TXNDC16: variants seen among roughly 807,000 people sequenced by gnomAD.
TXNDC16 encodes thioredoxin domain-containing protein 16.
Under a neutral mutation model 85.6 loss-of-function variants are expected in TXNDC16, and 74 were observed. The ratio of observed to expected loss-of-function variants is 0.86; its 90% confidence interval spans 0.72 to 1.05. The LOEUF is 1.05. Among genes scored for constraint, TXNDC16 ranks in the 50% least tolerant of loss-of-function variants. The pLI is 0.00. For synonymous variants in TXNDC16, 335 were observed against 326.5 expected (o/e 1.03, Z -0.28); for missense variants, 959 against 947.0 (o/e 1.01, Z -0.17).
At chr14:52,455,271 T>C in intron 18 of TXNDC16, 53 bp downstream of exon 18, 1 of 1,602,214 alleles carries the variant, frequency 6.2e-7, no homozygotes, top group Non-Finnish European at 8.5e-7. Flanking sequence ...ATACTACCTT[T>C]GACTGATCTA....
chr14:52,435,945 C>G (rs1158606966), intron 20 of TXNDC16, among the ~76,000 whole-genome samples: 2 of 151,948 alleles, frequency 1.3e-5, no homozygotes, highest in Non-Finnish European at 2.9e-5. Flanking sequence ...CACCCCTGCA[C>G]TCCAGCCTTG....
intron 12 of TXNDC16, among the ~76,000 whole-genome samples, chr14:52,484,450 T>G (rs1214725403): frequency 6.6e-6 from 1 of 152,228 alleles, no homozygotes; most frequent in Non-Finnish European, 1.5e-5. Context: ...CATATACAAC[T>G]GTAGTCCCTT....
intron 1 of TXNDC16, among the ~76,000 whole-genome samples, chr14:52,547,473 A>G (rs141389572): frequency 5.6e-4 from 85 of 152,240 alleles, no homozygotes; most frequent in African/African-American, 2.0e-3. Flanking sequence ...GGGCTTGTAA[A>G]TTGATGTTCT....
At chr14:52,528,016 CAAT>C (rs1350204246) in intron 6 of TXNDC16, among the ~76,000 whole-genome samples, 1 of 151,972 alleles carries the variant, frequency 6.6e-6, no homozygotes, top group Non-Finnish European at 1.5e-5. Context: ...ACATAATTGA[CAAT>C]AATGGTCAAA....
At chr14:52,458,498 A>G (rs2035584711) in intron 16 of TXNDC16, among the ~76,000 whole-genome samples, 1 of 152,192 alleles carries the variant, frequency 6.6e-6, no homozygotes. Flanking sequence ...AGGAGATTGC[A>G]CTGAGCTGAG....
chr14:52,498,950 C>G (rs1224155656), intron 9 of TXNDC16, among the ~76,000 whole-genome samples: 3 of 152,092 alleles, frequency 2.0e-5, no homozygotes, highest in African/African-American at 2.4e-5. Flanking sequence ...ATCAAAATAG[C>G]CTAGTACTGG....
At chr14:52,453,024 T>C (rs2035448085) in intron 18 of TXNDC16, among the ~76,000 whole-genome samples, 1 of 152,040 alleles carries the variant, frequency 6.6e-6, no homozygotes, top group Admixed American at 6.5e-5. Context: ...GGGCAAAAGA[T>C]CTGAATAGAC....
At chr14:52,531,192 C>A (rs1474083664) in intron 6 of TXNDC16, among the ~76,000 whole-genome samples, 1 of 152,106 alleles carries the variant, frequency 6.6e-6, no homozygotes, top group African/African-American at 2.4e-5. Context: ...GGATGTGGAA[C>A]AACAGGAACT....
At chr14:52,462,144 T>C (rs1272044555) in intron 16 of TXNDC16, among the ~76,000 whole-genome samples, 1 of 152,258 alleles carries the variant, frequency 6.6e-6, no homozygotes, top group African/African-American at 2.4e-5. Context: ...TTATGGCTTT[T>C]ATACAAAATT....
intron 1 of TXNDC16, among the ~76,000 whole-genome samples, chr14:52,547,766 C>G (rs1040567509): frequency 3.4e-4 from 52 of 152,282 alleles, no homozygotes; most frequent in Middle Eastern, 6.8e-3. Flanking sequence ...ATGACCACTG[C>G]TGGGCATTAC....
intron 6 of TXNDC16, among the ~76,000 whole-genome samples, chr14:52,533,534 C>T (rs1020793181): frequency 2.0e-5 from 3 of 152,158 alleles, no homozygotes; most frequent in Non-Finnish European, 2.9e-5. Context: ...CTGCCTACAG[C>T]GCTTTGCTGG....
chr14:52,502,845 C>T (rs972708963), intron 9 of TXNDC16, among the ~76,000 whole-genome samples: 2 of 152,164 alleles, frequency 1.3e-5, no homozygotes, highest in African/African-American at 4.8e-5. Context: ...GGGTGACAGA[C>T]GGAACCTGGA....
At chr14:52,534,495 CA>C (rs1336523027) in intron 6 of TXNDC16, among the ~76,000 whole-genome samples, 1 of 151,580 alleles carries the variant, frequency 6.6e-6, no homozygotes. Flanking sequence ...CCAGGTAAGC[CA>C]AAAAAAAGAT....
In TXNDC16 at chr14:52,532,784, G is replaced by GA. The variant is rs879552614; in HGVS notation, c.392+3934dup. 8.3e-4 allele frequency among the ~76,000 whole-genome samples: 122 copies of GA among 146,892 alleles called. No individual in the cohort carries two copies. In the East Asian group the frequency reaches 0.013, roughly 15 times the overall value. On this transcript the variant is annotated intron_variant, in intron 6 of 20. Coordinates refer to ENST00000281741, the MANE Select transcript of TXNDC16 (RefSeq NM_020784.3). ...AGTATGCAACTGTAAGAGTACAACA[G>GA]AAAAAAAAAACTGCTAGCCAGGAAC...
intron 16 of TXNDC16, among the ~76,000 whole-genome samples, chr14:52,458,615 C>T (rs1018969658): frequency 6.6e-6 from 1 of 152,138 alleles, no homozygotes; most frequent in African/African-American, 2.4e-5. Context: ...GCCCATGCTA[C>T]ATCAAAGTAG....
At chr14:52,550,385 C>T (rs1253176750) in intron 1 of TXNDC16, among the ~76,000 whole-genome samples, 1 of 152,190 alleles carries the variant, frequency 6.6e-6, no homozygotes, top group African/African-American at 2.4e-5. Context: ...CAGATCTCAA[C>T]ACAGTTTATC....
intron 6 of TXNDC16, among the ~76,000 whole-genome samples, chr14:52,528,093 T>C (rs1361463710): frequency 1.3e-5 from 2 of 152,192 alleles, no homozygotes; most frequent in Non-Finnish European, 2.9e-5. Flanking sequence ...TGTTATTCTA[T>C]CTCAGATTTT....
At chr14:52,456,718 C>G (rs1406383412) in intron 17 of TXNDC16, among the ~76,000 whole-genome samples, 2 of 152,134 alleles carry the variant, frequency 1.3e-5, no homozygotes, top group Non-Finnish European at 2.9e-5. Context: ...TTTTTATACA[C>G]ACACGTACCC....
chr14:52,537,083 C>CACACAT (rs2037720436), intron 5 of TXNDC16, among the ~76,000 whole-genome samples: 1 of 151,726 alleles, frequency 6.6e-6, no homozygotes, highest in African/African-American at 2.4e-5. Context: ...CACACACACA[C>CACACAT]ACACACACAC....
Sources: allele counts gnomAD v4.1 joint callset (sites outside exome capture counted in the v4.1 genomes callset), GRCh38; gene constraint gnomAD v4.1.1; transcripts MANE v1.5; gene names NCBI Gene and HGNC (gene_info 2026-07-23, HGNC 2026-07-21).